The following KDM1A variants were observed in gnomAD, a reference collection of about 807,000 sequenced individuals.
The protein encoded by KDM1A is lysine demethylase 1A, also known as lysine-specific histone demethylase 1A.
In KDM1A, 49 loss-of-function variants were observed where a neutral mutation model predicts 109.4. The ratio of observed to expected loss-of-function variants is 0.45; its 90% CI spans 0.36 to 0.57. KDM1A has a LOEUF of 0.57. KDM1A is among the 20% of genes least tolerant of loss of function. The pLI is 0.00. For missense variants in KDM1A, 668 were observed against 1,116.6 expected, an observed-to-expected ratio of 0.60 and a Z score of 5.73; for synonymous variants, 380 against 415.4, an observed-to-expected ratio of 0.91 and a Z score of 1.04.
chr1:23,052,749 C>T (rs934551633), intron 4 of KDM1A, among the ~76,000 whole-genome samples: 1 of 152,104 alleles, frequency 6.6e-6, no homozygotes. Context: ...TGGTTTTTCT[C>T]CTGCCTCTCT....
Position 23,066,059 on chromosome 1 carries a change from G to A in KDM1A, c.1168-1G>A. ...TCTCTCTCTGCTGCACTGGTTAAAA[G>A]GACACTGTCAAGGTATTTTTTTCAT... On this transcript the variant is annotated splice_acceptor_variant, in intron 9 of 20. Transcript: ENST00000400181. LOFTEE classifies it high-confidence loss of function. The A allele has an allele frequency of 5.0e-6, 8 of 1,602,480 alleles. No individual in the cohort carries two copies. The highest frequency in any genetic ancestry group is 6.8e-6 in the Non-Finnish European group (8 of 1,170,592).
rs781331123 is a variant in KDM1A, at chr1:23,071,371, A to G, written c.1548+12A>G. The G allele has an allele frequency of 6.1e-5, 96 of 1,579,886 alleles. No individual in the cohort carries two copies. In the South Asian group the frequency reaches 1.1e-3, roughly 18 times the overall value. On this transcript the variant is annotated intron_variant, in intron 13 of 20. Transcript: ENST00000400181. ...CCGCCCTATGCAAGGTGTGGTATAC[A>G]TACATGCCTAACTGGTTTTACTTGG...
chr1:23,050,067 T>C (rs12074836), intron 3 of KDM1A, among the ~76,000 whole-genome samples: 5,604 of 152,328 alleles, frequency 0.037, 352 homozygotes, highest in African/African-American at 0.13. Flanking sequence ...TCTGGTTCTT[T>C]AGTTTTAAAT....
intron 8 of KDM1A, chr1:23,058,044 C>T (rs2869044): frequency 0.74 from 113,101 of 152,740 alleles, 42,971 homozygotes; most frequent in Non-Finnish European, 0.83. Context: ...TTGTTTGTTT[C>T]GAGACATGGT....
rs1318510214 is a variant in KDM1A at position 23,073,378 on chromosome 1, C to T, written c.1709C>T (p.Thr570Ile). 6.2e-7 allele frequency: 1 copy of T among 1,607,654 alleles called. No homozygotes were observed. Among genetic ancestry groups the T allele is most frequent in the Non-Finnish European group, 8.5e-7 (1 of 1,174,328 alleles). Residue 570 changes from threonine (T) to isoleucine (I), a missense_variant, in exon 15 of 21, where the codon ACT becomes ATT. Physicochemically the swap from Thr to Ile is moderately conservative, Grantham distance 89 (BLOSUM62 -1). Around this residue, in one of 8 missense-constraint regions of KDM1A, gnomAD observed 162 missense variants for 376.4 expected, o/e 0.43. Transcript: ENST00000400181. ...TTTGCTAATGCCACACCTCTCTCAA[C>T]TCTCTCCCTTAAGCACTGGGATCAG... is the stretch of plus-strand genomic sequence containing the variant. ...LEFANATPLS[T>I]LSLKHWDQDD...
intron 3 of KDM1A, among the ~76,000 whole-genome samples, chr1:23,047,220 G>A (rs576616225): frequency 5.9e-5 from 9 of 152,068 alleles, no homozygotes; most frequent in African/African-American, 1.7e-4. Context: ...TTTAAGAAAA[G>A]GTTAGCTTTT....
At chr1:23,081,373 G>T in intron 18 of KDM1A, 73 bp from the exon 19 acceptor site, 1 of 1,555,200 alleles carries the variant, frequency 6.4e-7, no homozygotes, top group Non-Finnish European at 8.8e-7. Flanking sequence ...CAGGAATAAG[G>T]TGGGGCCTGA....
chr1:23,082,433 T>TA, intron 20 of KDM1A, 67 bp downstream of exon 20: 1 of 1,420,618 alleles, frequency 7.0e-7, no homozygotes, highest in South Asian at 1.6e-5. Context: ...GTCCCTGATT[T>TA]TTTTTTTTTT....
intron 3 of KDM1A, among the ~76,000 whole-genome samples, chr1:23,045,832 A>C (rs1040071827): frequency 3.3e-5 from 5 of 152,070 alleles, no homozygotes; most frequent in African/African-American, 1.2e-4. Context: ...CTGTTGTAAA[A>C]CCTTCAAGAT....
intron 19 of KDM1A, chr1:23,081,978 A>G: frequency 2.1e-6 from 1 of 486,230 alleles, no homozygotes; most frequent in Non-Finnish European, 3.7e-6. Context: ...ATAAAGGCCA[A>G]GCCCTGTGTA....
Position 23,038,254 on chromosome 1 carries a change from TTGTGTGTGTG to T in KDM1A, c.518-6145_518-6136del, listed in dbSNP as rs56016343. 4.3e-3 allele frequency among the ~76,000 whole-genome samples: 643 copies of T among 149,270 alleles called. 7 individuals carry two copies. The highest frequency in any genetic ancestry group is 9.4e-3 in the East Asian group (48 of 5,092). On this transcript the variant is annotated intron_variant, in intron 2 of 20. Coordinates refer to ENST00000400181, the MANE Select transcript of KDM1A (RefSeq NM_001009999.3). The stretch of plus-strand genomic sequence containing the variant: ...TAACTTTTTAAGCATCTGGAACTGT[TTGTGTGTGTG>T]TGTGTGTGTGTGTGTGTGTGTGTGT...
intron 3 of KDM1A, among the ~76,000 whole-genome samples, chr1:23,049,083 C>T (rs892397671): frequency 5.2e-5 from 7 of 133,554 alleles, no homozygotes; most frequent in African/African-American, 1.7e-4. Context: ...ACCCAGAAGG[C>T]AGAGGTTGCA....
chr1:23,042,504 G>A (rs1179073013), intron 2 of KDM1A, among the ~76,000 whole-genome samples: 2 of 119,684 alleles, frequency 1.7e-5, no homozygotes, highest in African/African-American at 6.3e-5. Flanking sequence ...CCAGGCTGGA[G>A]TGCAGTGGCG....
rs1411286052 is a variant in KDM1A at position 23,069,122 on chromosome 1, C to G, written c.1384C>G (p.Gln462Glu). The change falls in exon 12 of 21, where the codon CAG becomes GAG. Residue 462 changes from glutamine (Q) to glutamate (E), a missense_variant. Gln to Glu is a conservative substitution (Grantham distance 29, BLOSUM62 2). Transcript: ENST00000400181. ...ACATTGGAAGAAGATAGTGAAAACTCAGGAAGAATTGAAAGAACTTCTTAA... is the reference window on the plus strand; with the variant it reads ...ACATTGGAAGAAGATAGTGAAAACTGAGGAAGAATTGAAAGAACTTCTTAA... Reference protein sequence around the residue: ...IEHWKKIVKTQEELKELLNKM... With the variant: ...IEHWKKIVKTEEELKELLNKM... 6.2e-7 allele frequency: 1 copy of G among 1,608,242 alleles called. No homozygotes were observed. The highest frequency in any genetic ancestry group is 8.5e-7 in the Non-Finnish European group (1 of 1,176,002).
At chr1:23,020,675 C>G (rs1641596774) in intron 1 of KDM1A, 3 of 152,136 alleles carry the variant, frequency 2.0e-5, no homozygotes, top group African/African-American at 7.2e-5. Context: ...CTATATTCAG[C>G]GTGTCACCAA....
At chr1:23,062,270 G>C (rs1643022337) in intron 9 of KDM1A, among the ~76,000 whole-genome samples, 1 of 152,194 alleles carries the variant, frequency 6.6e-6, no homozygotes, top group South Asian at 2.1e-4. Context: ...CTAACTGCCT[G>C]TGTGACGACA....
At chr1:23,082,465 T>A in intron 20 of KDM1A, 99 bp downstream of exon 20, 2 of 1,145,602 alleles carry the variant, frequency 1.7e-6, no homozygotes, top group African/African-American at 3.1e-5. Flanking sequence ...AGTCATTCCA[T>A]CTTCGGACCC....
intron 16 of KDM1A, 56 bp from the exon 17 acceptor site, chr1:23,078,934 G>A (rs776660441): frequency 2.6e-5 from 37 of 1,434,974 alleles, no homozygotes; most frequent in Non-Finnish European, 1.6e-5. Flanking sequence ...AATGTTCAGT[G>A]TCCTTATCAG....
chr1:23,063,998 C>T (rs909795522), intron 9 of KDM1A, among the ~76,000 whole-genome samples: 1 of 152,248 alleles, frequency 6.6e-6, no homozygotes, highest in South Asian at 2.1e-4. Flanking sequence ...AGTGATTCTC[C>T]CCCTCAGCCT....
Sources: allele counts gnomAD v4.1 joint callset (sites outside exome capture counted in the v4.1 genomes callset), GRCh38; gene constraint gnomAD v4.1.1; regional missense constraint gnomAD v4.1.1; transcripts MANE v1.5; gene names NCBI Gene and HGNC (gene_info 2026-07-23, HGNC 2026-07-21).